The following ARHGEF5 variants were observed in gnomAD, a reference collection of about 807,000 sequenced individuals.
The protein encoded by ARHGEF5 is Rho guanine nucleotide exchange factor 5.
A neutral mutation model predicts 104.0 loss-of-function variants in ARHGEF5; 11 were observed. The observed-to-expected ratio is 0.11, with a 90% CI of 0.07 to 0.18. ARHGEF5 has a LOEUF of 0.18. Ranked by LOEUF, ARHGEF5 falls within the 10% of genes least tolerant of loss-of-function variation. The pLI, the probability that ARHGEF5 is intolerant of heterozygous loss-of-function variation, is 1.00. For synonymous variants in ARHGEF5, 60 were observed against 512.2 expected (o/e 0.12, Z 11.92); for missense variants, 165 against 1,335.4 (o/e 0.12, Z 13.66).
intron 14 of ARHGEF5, among the ~76,000 whole-genome samples, chr7:144,379,301 C>T (rs1295193780): frequency 6.6e-6 from 1 of 152,182 alleles, no homozygotes; most frequent in Non-Finnish European, 1.5e-5. Context: ...CTCACTGCAA[C>T]TTCCAACTCC....
chr7:144,357,835 G>A (rs143111274), intron 1 of ARHGEF5, among the ~76,000 whole-genome samples: 9,606 of 75,656 alleles, frequency 0.13, 24 homozygotes, highest in East Asian at 0.37. Flanking sequence ...TGTGGATGCA[G>A]AATGTCTGTG....
At chr7:144,361,709 A>T (rs1229793777) in intron 1 of ARHGEF5, among the ~76,000 whole-genome samples, 1 of 150,534 alleles carries the variant, frequency 6.6e-6, no homozygotes, top group Non-Finnish European at 1.5e-5. Flanking sequence ...ATCGCAAGAA[A>T]TTGAGGTGAG....
chr7:144,379,891 G>A lies in ARHGEF5; in HGVS notation c.4637-8G>A, dbSNP rs758897733. 6.2e-7 allele frequency: 1 copy of A among 1,614,100 alleles called. No homozygotes were observed. The highest frequency in any genetic ancestry group is 8.5e-7 in the Non-Finnish European group (1 of 1,179,982). On this transcript the variant is annotated splice_region_variant and splice_polypyrimidine_tract_variant and intron_variant, in intron 14 of 14. Coordinates refer to ENST00000056217, the MANE Select transcript of ARHGEF5 (RefSeq NM_005435.4). Reference sequence around the variant, plus strand: ...AGGTAATTCTTCCCACTCACCCTGTGCCCACAGGCTGGCTGGAGGGCGTGA... The same window carrying A: ...AGGTAATTCTTCCCACTCACCCTGTACCCACAGGCTGGCTGGAGGGCGTGA...
chr7:144,361,289 A>G lies in ARHGEF5; in HGVS notation c.-12-1369A>G, dbSNP rs1161402315. Among the ~76,000 whole-genome samples, 4 of 122,074 alleles carry G rather than the reference A, an allele frequency of 3.3e-5. No homozygotes were observed. In the East Asian group the frequency reaches 8.6e-4, roughly 26 times the overall value. The allele number at this position is 122,074 out of a possible 152,430, so 80.1% of individuals were successfully genotyped here. On this transcript the variant is annotated intron_variant, in intron 1 of 14. Coordinates refer to ENST00000056217, the MANE Select transcript of ARHGEF5 (RefSeq NM_005435.4). ...TGGAGGAAACTGAAGGGGTAAAACC[A>G]GGAAAATGTAATACCACAAGTAACA...
Position 144,380,074 on chromosome 7 carries a change from T to A in ARHGEF5, c.*18T>A, listed in dbSNP as rs74598024. 23,608 of 1,613,328 alleles carry A rather than the reference T, an allele frequency of 0.015. 216 individuals are homozygous for A. The highest frequency in any genetic ancestry group is 0.02 in the Middle Eastern group (119 of 6,060). ...AAGCCTAAGTCTTCTCTGAGAGGAGTTTCGTGAGCTGAAGAACAAGCTGCT... is the reference window on the plus strand; with the variant it reads ...AAGCCTAAGTCTTCTCTGAGAGGAGATTCGTGAGCTGAAGAACAAGCTGCT... On this transcript the variant is annotated 3_prime_UTR_variant, in exon 15 of 15. Transcript: ENST00000056217.
intron 1 of ARHGEF5, among the ~76,000 whole-genome samples, chr7:144,359,942 C>A (rs1231392412): frequency 1.4e-5 from 2 of 141,774 alleles, no homozygotes; most frequent in Non-Finnish European, 3.1e-5. Context: ...GTGGCCCGGG[C>A]GAGACGGTAG....
At chr7:144,378,734 C>T in intron 13 of ARHGEF5, 28 bp from the exon 14 acceptor site, 1 of 1,601,320 alleles carries the variant, frequency 6.2e-7, no homozygotes, top group Non-Finnish European at 8.6e-7. Flanking sequence ...CCTCTCCTAA[C>T]CTCTCTTCAC....
At chr7:144,360,456 T>C (rs1349774504) in intron 1 of ARHGEF5, among the ~76,000 whole-genome samples, 1 of 87,768 alleles carries the variant, frequency 1.1e-5, no homozygotes, top group Admixed American at 1.3e-4. Flanking sequence ...ACCCATCTTA[T>C]ACGATGACTC....
At chr7:144,377,265 C>T (rs2053767604) in intron 13 of ARHGEF5, 75 bp downstream of exon 13, 9 of 1,537,310 alleles carry the variant, frequency 5.9e-6, no homozygotes, top group Non-Finnish European at 7.9e-6. Flanking sequence ...GTTTAAAGGG[C>T]TGGGTGGGAA....
chr7:144,377,910 AG>A (rs2128857606), intron 13 of ARHGEF5, among the ~76,000 whole-genome samples: 1 of 152,284 alleles, frequency 6.6e-6, no homozygotes, highest in East Asian at 1.9e-4. Context: ...GTGGGTGAGG[AG>A]GGCAGGAGCA....
chr7:144,378,718 C>A (rs780383985), intron 13 of ARHGEF5, 44 bp from the exon 14 acceptor site: 1 of 1,558,154 alleles, frequency 6.4e-7, no homozygotes. Flanking sequence ...GTGTTCCAAT[C>A]CCCTGCCTCT....
At chr7:144,379,549 T>C (rs1477311934) in intron 14 of ARHGEF5, among the ~76,000 whole-genome samples, 1 of 152,216 alleles carries the variant, frequency 6.6e-6, no homozygotes, top group Non-Finnish European at 1.5e-5. Context: ...TTATACTGGA[T>C]TAATGGCCAC....
Position 144,380,009 on chromosome 7 carries a change from C to G in ARHGEF5, c.4747C>G (p.His1583Asp). Residue 1583 changes from histidine to aspartate, a missense_variant, in exon 15 of 15, where the codon CAT becomes GAT. Physicochemically the swap from His to Asp is moderately conservative, Grantham distance 81. Coordinates refer to ENST00000056217, the MANE Select transcript of ARHGEF5 (RefSeq NM_005435.4). ...EVRAQNLKEA[H>D]RVKTAKLQLV... Reference sequence around the variant, plus strand: ...CCGTGCACAGAACCTGAAGGAAGCTCATCGAGTCAAGACTGCCAAACTACA... The same window carrying G: ...CCGTGCACAGAACCTGAAGGAAGCTGATCGAGTCAAGACTGCCAAACTACA... 2 of 1,614,210 alleles carry G rather than the reference C, an allele frequency of 1.2e-6. No individual in the cohort carries two copies. Among genetic ancestry groups the G allele is most frequent in the Non-Finnish European group, 1.7e-6 (2 of 1,180,040 alleles).
At position 144,370,416 on chromosome 7, in the gene ARHGEF5, C is replaced by T. The variant is rs534268699; in HGVS notation, c.3532-745C>T. Among the ~76,000 whole-genome samples, 5 of 152,310 alleles carry T rather than the reference C, an allele frequency of 3.3e-5. No individual in the cohort carries two copies. In the East Asian group the frequency reaches 9.6e-4, roughly 29 times the overall value. Reference sequence around the variant, plus strand: ...CGACTGCTGCAGCTTCATCTCTGGCCACTACTGCTGTACACTTGGTTCAAA... The same window carrying T: ...CGACTGCTGCAGCTTCATCTCTGGCTACTACTGCTGTACACTTGGTTCAAA... On this transcript the variant is annotated intron_variant, in intron 5 of 14. Transcript: ENST00000056217.
chr7:144,378,298 C>G (rs1242603918), intron 13 of ARHGEF5, among the ~76,000 whole-genome samples: 1 of 152,182 alleles, frequency 6.6e-6, no homozygotes, highest in Non-Finnish European at 1.5e-5. Context: ...TTAAGTCTTT[C>G]TTGGTTCCAC....
intron 10 of ARHGEF5, among the ~76,000 whole-genome samples, chr7:144,373,894 T>C (rs1587071706): frequency 7.1e-6 from 1 of 141,174 alleles, no homozygotes; most frequent in Non-Finnish European, 1.6e-5. Context: ...CAGGCTAGAG[T>C]GCAGTGGTGC....
At chr7:144,370,426 G>A (rs1444855280) in intron 5 of ARHGEF5, among the ~76,000 whole-genome samples, 2 of 152,148 alleles carry the variant, frequency 1.3e-5, no homozygotes, top group Non-Finnish European at 2.9e-5. Flanking sequence ...CACTACTGCT[G>A]TACACTTGGT....
At chr7:144,377,836 G>A (rs720475) in intron 13 of ARHGEF5, among the ~76,000 whole-genome samples, 30,122 of 152,104 alleles carry the variant, frequency 0.2, 3,459 homozygotes, top group Middle Eastern at 0.28. Context: ...TAGGAGAGCC[G>A]TGTAGTAACT....
intron 1 of ARHGEF5, among the ~76,000 whole-genome samples, chr7:144,357,447 T>C (rs2053605018): frequency 1.4e-5 from 2 of 139,892 alleles, no homozygotes; most frequent in Admixed American, 7.4e-5. Context: ...ACCCCTGTTT[T>C]GATATCTTTG....
Sources: gnomAD v4.1 joint callset for allele counts (sites outside exome capture counted in the v4.1 genomes callset) on GRCh38, gnomAD v4.1.1 for gene constraint, MANE v1.5 for transcripts, NCBI Gene and HGNC (gene_info 2026-07-23, HGNC 2026-07-21) for gene names.